The following TSPAN11 variants were observed in gnomAD, a reference collection of about 807,000 sequenced individuals.
TSPAN11 encodes the protein tetraspanin 11, also known as tetraspanin-11.
A neutral mutation model predicts 32.9 loss-of-function variants in TSPAN11; 29 were observed. The observed-to-expected ratio is 0.88, with a 90% CI of 0.66 to 1.20. The LOEUF is 1.20. Among genes scored for constraint, TSPAN11 ranks in the 50% most tolerant of loss-of-function variants. The pLI is 0.00. For missense variants in TSPAN11, 283 were observed against 329.1 expected (o/e 0.86, Z 1.08); for synonymous variants, 140 against 141.3 (o/e 0.99, Z 0.07).
chr12:30,953,610 A>G (rs1938424425), intron 1 of TSPAN11, among the ~76,000 whole-genome samples: 1 of 152,304 alleles, frequency 6.6e-6, no homozygotes, highest in Non-Finnish European at 1.5e-5. Context: ...TATGCAAAGT[A>G]GTGATGCTGA....
rs1939019319 is a variant in TSPAN11 at position 30,978,502 on chromosome 12, A to G, written c.277-59A>G. The G allele has an allele frequency of 2.0e-5, 31 of 1,559,712 alleles. No individual in the cohort carries two copies. In the South Asian group the frequency reaches 3.1e-4, roughly 16 times the overall value. On this transcript the variant is annotated intron_variant, in intron 3 of 7. Coordinates refer to ENST00000546076, the MANE Select transcript of TSPAN11 (RefSeq NM_001370302.1). ...CTACCACCCCCACCACTGTGGGGAAACATTTGTCATAGCAGCAACCCGATC... is the reference window on the plus strand; with the variant it reads ...CTACCACCCCCACCACTGTGGGGAAGCATTTGTCATAGCAGCAACCCGATC...
chr12:31,008,247 T>C, the TSPAN11 span, among the ~76,000 whole-genome samples: 1 of 152,218 alleles, frequency 6.6e-6, no homozygotes, highest in Non-Finnish European at 1.5e-5. Context: ...AACAGGCCTT[T>C]AAATATTTGA....
intron 2 of TSPAN11, among the ~76,000 whole-genome samples, chr12:30,955,716 C>T (rs1938464796): frequency 6.6e-6 from 1 of 152,184 alleles, no homozygotes; most frequent in Non-Finnish European, 1.5e-5. Flanking sequence ...ATTCTTGGCA[C>T]TCCTTGGCTT....
At chr12:30,929,708 G>A (rs1937877738) in intron 1 of TSPAN11, among the ~76,000 whole-genome samples, 1 of 152,160 alleles carries the variant, frequency 6.6e-6, no homozygotes, top group East Asian at 1.9e-4. Context: ...TGATTACTGA[G>A]CGTAGACGAC....
chr12:30,994,095 C>T lies in TSPAN11; in HGVS notation c.*2180C>T, dbSNP rs1167824832. On this transcript the variant is annotated 3_prime_UTR_variant, in exon 8 of 8. Transcript: ENST00000546076. The stretch of plus-strand genomic sequence containing the variant: ...GTCCAAGCGGCAGACAGTGGTAGAA[C>T]AACCCAGGGCTTGGAAATCTGACCT... 1 of 152,290 alleles carries T rather than the reference C, an allele frequency of 6.6e-6. No individual in the cohort carries two copies. Among genetic ancestry groups the T allele is most frequent in the African/African-American group, 2.4e-5 (1 of 41,458 alleles). 9.4% of individuals were successfully genotyped at this position (152,290 alleles called of 1,614,324 possible).
At chr12:30,973,471 G>C (rs1029685731) in intron 3 of TSPAN11, among the ~76,000 whole-genome samples, 2 of 152,138 alleles carry the variant, frequency 1.3e-5, no homozygotes, top group Admixed American at 1.3e-4. Flanking sequence ...TGCCAAGAAA[G>C]GGTTATTTTT....
At chr12:31,006,965 G>A in the TSPAN11 span, among the ~76,000 whole-genome samples, 36 of 152,234 alleles carry the variant, frequency 2.4e-4, no homozygotes, top group East Asian at 2.1e-3. Flanking sequence ...GCTTCTACCC[G>A]CACTTGCACG....
intron 7 of TSPAN11, 143 bp from the exon 8 acceptor site, chr12:30,991,712 AT>A: frequency 1.2e-6 from 1 of 808,058 alleles, no homozygotes. Context: ...CCACCCTGAC[AT>A]TTTGAGCAGT....
downstream of TSPAN11, among the ~76,000 whole-genome samples, chr12:30,999,589 A>G (rs568391033): frequency 2.0e-5 from 3 of 152,242 alleles, no homozygotes; most frequent in Non-Finnish European, 4.4e-5. Context: ...AAAAACAGAA[A>G]TGGTTTTTGT....
chr12:30,985,805 G>A (rs955380749), intron 7 of TSPAN11, among the ~76,000 whole-genome samples: 1 of 152,238 alleles, frequency 6.6e-6, no homozygotes, highest in African/African-American at 2.4e-5. Context: ...AGCTGCATAA[G>A]TCTGATATTG....
intron 3 of TSPAN11, among the ~76,000 whole-genome samples, chr12:30,968,563 T>C (rs1339185856): frequency 6.6e-6 from 1 of 152,214 alleles, no homozygotes; most frequent in African/African-American, 2.4e-5. Flanking sequence ...ATTCAGGCCA[T>C]CTGAGCCTAT....
At chr12:30,942,742 A>AC (rs397699870) in intron 1 of TSPAN11, among the ~76,000 whole-genome samples, 7 of 151,380 alleles carry the variant, frequency 4.6e-5, no homozygotes, top group Admixed American at 3.3e-4. Flanking sequence ...AAAAAAAAAA[A>AC]GTCATGTACA....
intron 1 of TSPAN11, among the ~76,000 whole-genome samples, chr12:30,950,525 C>CA (rs1938361642): frequency 6.6e-6 from 1 of 152,216 alleles, no homozygotes; most frequent in Admixed American, 6.5e-5. Flanking sequence ...GGGATGCTCT[C>CA]ACACCCCTTA....
At chr12:30,982,920 G>C in intron 6 of TSPAN11, 144 bp from the exon 7 acceptor site, 1 of 1,087,802 alleles carries the variant, frequency 9.2e-7, no homozygotes. Flanking sequence ...GGCCACTCAA[G>C]TAGCCTGTGA....
At chr12:30,947,143 T>C (rs1190652300) in intron 1 of TSPAN11, among the ~76,000 whole-genome samples, 3 of 152,238 alleles carry the variant, frequency 2.0e-5, no homozygotes, top group East Asian at 1.9e-4. Flanking sequence ...TGTTTGCTTC[T>C]GTCCAGGGTC....
intron 1 of TSPAN11, chr12:30,927,031 A>T: frequency 7.8e-7 from 1 of 1,284,738 alleles, no homozygotes; most frequent in Middle Eastern, 2.1e-4. Flanking sequence ...TGGGACACGC[A>T]ACACGGTGTC....
chr12:30,982,675 C>T lies in TSPAN11; in HGVS notation c.600C>T (p.Asn200=), dbSNP rs766959389. The change falls in exon 6 of 8, where the codon AAC becomes AAT. Residue 200 remains asparagine (N), a synonymous_variant. Coordinates refer to ENST00000546076, the MANE Select transcript of TSPAN11 (RefSeq NM_001370302.1). The part of the protein sequence containing the change: ...VRCGQRAHPS[N]IYKVEGGCLT... ...GCGGCCAGCGGGCCCACCCCTCCAACATCTATAAGGTGGAGGTGAGCACCC... is the reference window on the plus strand; with the variant it reads ...GCGGCCAGCGGGCCCACCCCTCCAATATCTATAAGGTGGAGGTGAGCACCC... 1.8e-5 allele frequency: 28 copies of T among 1,585,760 alleles called. No homozygotes were observed. Among genetic ancestry groups the T allele is most frequent in the Middle Eastern group, 1.8e-4 (1 of 5,424 alleles).
At chr12:30,973,961 G>A (rs1007478303) in intron 3 of TSPAN11, among the ~76,000 whole-genome samples, 1 of 152,176 alleles carries the variant, frequency 6.6e-6, no homozygotes, top group Non-Finnish European at 1.5e-5. Context: ...AGGAAACACT[G>A]AGAGCTCTTG....
the TSPAN11 span, among the ~76,000 whole-genome samples, chr12:31,002,500 G>A: frequency 6.6e-6 from 1 of 152,114 alleles, no homozygotes; most frequent in Non-Finnish European, 1.5e-5. The surrounding 1 kb of genome is among the most constrained non-coding windows in gnomAD (Gnocchi z 4.8). Context: ...CCCAACCAAG[G>A]CCACTGCGAG....
Sources: gnomAD v4.1 joint callset for allele counts (sites outside exome capture counted in the v4.1 genomes callset) on GRCh38, gnomAD v4.1.1 for gene constraint, Gnocchi (gnomAD v3.1) non-coding constraint, MANE v1.5 for transcripts, NCBI Gene and HGNC (gene_info 2026-07-23, HGNC 2026-07-21) for gene names.